CACNA2D3: variants seen among roughly 807,000 people sequenced by gnomAD.
The protein encoded by CACNA2D3 is voltage-dependent calcium channel subunit alpha-2/delta-3.
Under a neutral mutation model 160.6 loss-of-function variants are expected in CACNA2D3, and 60 were observed. That is an observed-to-expected ratio of 0.37 (90% CI 0.30 to 0.46). The LOEUF (loss-of-function observed/expected upper bound fraction) is 0.46. Among genes scored for constraint, CACNA2D3 ranks in the 20% least tolerant of loss-of-function variants. The probability of loss-of-function intolerance (pLI) is 1.00; values close to 1 mark genes in which losing one functional copy is unlikely to be tolerated. For synonymous variants in CACNA2D3, 558 were observed against 492.9 expected (o/e 1.13, Z -1.75); for missense variants, 1,205 against 1,365.0 (o/e 0.88, Z 1.85).
chr3:54,918,190 G>A (rs905276278), intron 27 of CACNA2D3: 14 of 379,380 alleles, frequency 3.7e-5, no homozygotes, highest in African/African-American at 2.3e-4. Flanking sequence ...CTCTGTGTGT[G>A]TCTTACCCCC....
intron 2 of CACNA2D3, among the ~76,000 whole-genome samples, chr3:54,151,170 A>AATGGATGG (rs1700144148): frequency 6.6e-6 from 1 of 151,526 alleles, no homozygotes; most frequent in South Asian, 2.1e-4. Context: ...GGGATGGGTT[A>AATGGATGG]ATGGGTGGAT....
In CACNA2D3 at chr3:54,171,178, G is replaced by A. The variant is rs1413263840; in HGVS notation, c.204+47584G>A. On this transcript the variant is annotated intron_variant, in intron 2 of 37. Transcript: ENST00000474759. ...TTTTTTAGGAATAGCTAGATGATCCGGGAAGTTGCTTACTGAGGCTTTGTC... is the reference window on the plus strand; with the variant it reads ...TTTTTTAGGAATAGCTAGATGATCCAGGAAGTTGCTTACTGAGGCTTTGTC... Among the ~76,000 whole-genome samples, 3 of 107,270 alleles carry A rather than the reference G, an allele frequency of 2.8e-5. No homozygotes were observed. In the Admixed American group the frequency reaches 3.7e-4, roughly 13 times the overall value. The allele number at this position is 107,270 out of a possible 152,430, so 70.4% of individuals were successfully genotyped here. A position where few individuals can be genotyped will look rare whatever the true frequency, so the allele number is the denominator to read the frequency against.
intron 35 of CACNA2D3, among the ~76,000 whole-genome samples, chr3:55,035,371 C>T (rs775002664): frequency 8.5e-5 from 13 of 152,158 alleles, no homozygotes; most frequent in Non-Finnish European, 1.2e-4. Flanking sequence ...TGCAGAAAAA[C>T]GAGCTTCAGA....
chr3:54,188,821 G>A (rs1389209316), intron 2 of CACNA2D3, among the ~76,000 whole-genome samples: 8 of 152,192 alleles, frequency 5.3e-5, no homozygotes, highest in African/African-American at 1.9e-4. Flanking sequence ...AATGGCATTA[G>A]TGGTGATATT....
At chr3:54,652,836 G>A (rs1196763170) in intron 11 of CACNA2D3, among the ~76,000 whole-genome samples, 2 of 148,720 alleles carry the variant, frequency 1.3e-5, no homozygotes, top group African/African-American at 5.0e-5. Context: ...GGGCTGGAGT[G>A]TAGTTGCGTA....
rs79634555 is a variant in CACNA2D3 at position 54,169,504 on chromosome 3, G to A, written c.204+45910G>A. 0.014 allele frequency among the ~76,000 whole-genome samples: 2,172 copies of A among 152,042 alleles called. 123 individuals are homozygous for A. In the East Asian group the frequency reaches 0.21, roughly 14 times the overall value. ...ATTTCACAGTTTATTACTGCACTTC[G>A]GCTATACACAGATACTTGCCCTCAT... On this transcript the variant is annotated intron_variant, in intron 2 of 37. Transcript: ENST00000474759.
At chr3:54,218,864 C>T (rs919122196) in intron 2 of CACNA2D3, among the ~76,000 whole-genome samples, 10 of 152,200 alleles carry the variant, frequency 6.6e-5, no homozygotes, top group Non-Finnish European at 1.5e-4. Context: ...CTGCTTCTCT[C>T]TCCTTCACTG....
intron 2 of CACNA2D3, among the ~76,000 whole-genome samples, chr3:54,318,953 G>A (rs1282410374): frequency 6.6e-6 from 1 of 152,030 alleles, no homozygotes; most frequent in African/African-American, 2.4e-5. Flanking sequence ...AGAACACATG[G>A]CCAGATGCCT....
intron 30 of CACNA2D3, among the ~76,000 whole-genome samples, chr3:54,984,921 T>C (rs956650688): frequency 1.1e-4 from 17 of 152,208 alleles, no homozygotes; most frequent in African/African-American, 4.1e-4. Context: ...CTCTCACTCA[T>C]AAAATGTTCA....
At chr3:54,357,378 A>T (rs1266152980) in intron 3 of CACNA2D3, among the ~76,000 whole-genome samples, 1 of 152,234 alleles carries the variant, frequency 6.6e-6, no homozygotes, top group Admixed American at 6.5e-5. Flanking sequence ...AATTGATGTG[A>T]TCACATTCAC....
chr3:54,954,853 A>C (rs556830714), intron 27 of CACNA2D3, among the ~76,000 whole-genome samples: 1 of 152,318 alleles, frequency 6.6e-6, no homozygotes, highest in East Asian at 1.9e-4. Flanking sequence ...AAGAAGAACA[A>C]CTGGGTTTCA....
intron 35 of CACNA2D3, among the ~76,000 whole-genome samples, chr3:55,019,514 G>A (rs1396190781): frequency 6.6e-6 from 1 of 151,918 alleles, no homozygotes; most frequent in Non-Finnish European, 1.5e-5. Context: ...ACACCCCATA[G>A]TTTTTCTTCT....
At chr3:54,958,237 C>T (rs762155333) in intron 27 of CACNA2D3, among the ~76,000 whole-genome samples, 1 of 152,178 alleles carries the variant, frequency 6.6e-6, no homozygotes, top group Non-Finnish European at 1.5e-5. Context: ...GCAGAATATT[C>T]CATGTATCGG....
intron 8 of CACNA2D3, among the ~76,000 whole-genome samples, chr3:54,570,896 T>G (rs1389981818): frequency 6.6e-6 from 1 of 152,172 alleles, no homozygotes; most frequent in Non-Finnish European, 1.5e-5. Flanking sequence ...AGATTTATTC[T>G]GAGCCAAATA....
intron 11 of CACNA2D3, among the ~76,000 whole-genome samples, chr3:54,722,811 C>T (rs925352346): frequency 6.6e-6 from 1 of 152,184 alleles, no homozygotes; most frequent in African/African-American, 2.4e-5. Flanking sequence ...CAGAGCTCTC[C>T]TGTATGAGGT....
chr3:54,513,737 G>A (rs1245509525), intron 5 of CACNA2D3, among the ~76,000 whole-genome samples: 1 of 152,154 alleles, frequency 6.6e-6, no homozygotes, highest in Non-Finnish European at 1.5e-5. Context: ...CTGGAGTGCA[G>A]TGGTGCGATC....
chr3:55,054,844 C>T (rs1317454078), intron 35 of CACNA2D3, among the ~76,000 whole-genome samples: 1 of 151,914 alleles, frequency 6.6e-6, no homozygotes, highest in Non-Finnish European at 1.5e-5. Context: ...TTTATTGTAG[C>T]ATGTGTTTAA....
intron 2 of CACNA2D3, among the ~76,000 whole-genome samples, chr3:54,254,206 C>T (rs1185006989): frequency 6.6e-6 from 1 of 152,164 alleles, no homozygotes; most frequent in African/African-American, 2.4e-5. Context: ...GATGCTCTCC[C>T]ATCAGATGGC....
At chr3:54,131,038 G>C (rs1024748856) in intron 2 of CACNA2D3, among the ~76,000 whole-genome samples, 1 of 152,206 alleles carries the variant, frequency 6.6e-6, no homozygotes, top group African/African-American at 2.4e-5. Context: ...AAAGCACTTA[G>C]CACTGTGCCT....
Sources: allele counts gnomAD v4.1 joint callset (sites outside exome capture counted in the v4.1 genomes callset), GRCh38; gene constraint gnomAD v4.1.1; transcripts MANE v1.5; gene names NCBI Gene and HGNC (gene_info 2026-07-23, HGNC 2026-07-21).